Variants in RADX observed in about 807,000 individuals in gnomAD.
RADX encodes the protein RPA1 related single stranded DNA binding protein, X-linked, also known as RPA-related protein RADX.
Under a neutral mutation model 61.6 loss-of-function variants are expected in RADX, and 36 were observed. That is an observed-to-expected ratio of 0.58 (90% confidence interval 0.45 to 0.77). The LOEUF (loss-of-function observed/expected upper bound fraction) is 0.77. Ranked by LOEUF, RADX falls within the 30% of genes least tolerant of loss-of-function variation. The pLI is 0.00. For synonymous variants in RADX, 272 were observed against 237.9 expected, an observed-to-expected ratio of 1.14 and a Z score of -1.32; for missense variants, 497 against 651.1, an observed-to-expected ratio of 0.76 and a Z score of 2.58.
chrX:106,643,980 A>G (rs1416836611), intron 10 of RADX, among the ~76,000 whole-genome samples: 3 of 111,695 alleles, frequency 2.7e-5, no homozygotes, highest in Non-Finnish European at 5.7e-5. Context: ...CTTTCATTAT[A>G]GACATCTTTC....
At chrX:106,643,192 A>G (rs762234064) in intron 10 of RADX, among the ~76,000 whole-genome samples, 2 of 111,072 alleles carry the variant, frequency 1.8e-5, no homozygotes, top group African/African-American at 3.3e-5. Flanking sequence ...ATTTATTCCT[A>G]TAAGTTGTTT....
Position 106,662,045 on chromosome X carries a change from G to A in RADX, c.2009G>A (p.Gly670Glu), listed in dbSNP as rs1262535557. The change falls in exon 12 of 14, where the codon GGG becomes GAG. Residue 670 changes from glycine to glutamate, a missense_variant. Gly to Glu is a moderately conservative substitution (Grantham distance 98, BLOSUM62 -2). Transcript: ENST00000372548. Reference sequence around the variant, plus strand: ...GCAAATATAAATGCTAATCTGCAAGGGAAAGCCAGAAAAACTATAAGTGAT... The same window carrying A: ...GCAAATATAAATGCTAATCTGCAAGAGAAAGCCAGAAAAACTATAAGTGAT... ...RRANINANLQGKARKTISDRW... is the reference protein window; with the variant it reads ...RRANINANLQEKARKTISDRW... The A allele has an allele frequency of 1.1e-5, 13 of 1,208,211 alleles. No individual in the cohort carries two copies. The highest frequency in any genetic ancestry group is 1.5e-5 in the Non-Finnish European group (13 of 894,505).
chrX:106,643,361 T>G (rs1927571591), intron 10 of RADX, among the ~76,000 whole-genome samples: 1 of 111,049 alleles, frequency 9.0e-6, no homozygotes, highest in Non-Finnish European at 1.9e-5. Context: ...ATTTTTGCTT[T>G]GGTTGCCTGT....
rs946545209 is a variant in RADX, at chrX:106,631,290, G to A, written c.980-1335G>A. ...ATAGAACAATGGGCAAAAGACCAAG[G>A]CATTTCACAGAAGAGAATGCATATA... is the stretch of plus-strand genomic sequence containing the variant. On this transcript the variant is annotated intron_variant, in intron 3 of 13. Transcript: ENST00000372548. 1.9e-4 allele frequency among the ~76,000 whole-genome samples: 21 copies of A among 111,892 alleles called. 1 individual carries two copies. Among genetic ancestry groups the A allele is most frequent in the Non-Finnish European group, 3.8e-5 (2 of 53,193 alleles).
At chrX:106,644,476 A>T (rs750652574) in intron 10 of RADX, among the ~76,000 whole-genome samples, 5 of 111,241 alleles carry the variant, frequency 4.5e-5, no homozygotes, top group African/African-American at 1.6e-4. Context: ...GGTTTTTATC[A>T]TGAAGGGATA....
intron 3 of RADX, among the ~76,000 whole-genome samples, chrX:106,630,926 A>G (rs1461884470): frequency 8.9e-6 from 1 of 112,419 alleles, no homozygotes; most frequent in East Asian, 2.8e-4. Context: ...TTTAAAAATA[A>G]AAATTAAAAG....
intron 3 of RADX, among the ~76,000 whole-genome samples, chrX:106,631,556 A>G (rs1927217743): frequency 9.2e-6 from 1 of 108,542 alleles, no homozygotes; most frequent in African/African-American, 3.4e-5. Flanking sequence ...AAAAATTACA[A>G]AAATTAGCTG....
Position 106,632,662 on chromosome X carries a change from A to G in RADX, c.1017A>G (p.Ile339Met). The change falls in exon 4 of 14, where the codon ATA (isoleucine) becomes ATG (methionine). Residue 339 changes from isoleucine (I) to methionine (M), a missense_variant. By Grantham distance (10) the Ile-to-Met change is conservative (BLOSUM62 1). Transcript: ENST00000372548. ...CLNLRDPPTNIIIIPEKQVKP... is the reference protein window; with the variant it reads ...CLNLRDPPTNMIIIPEKQVKP... ...ATCTTCGAGATCCCCCAACAAATATAATTATCATTCCAGAAAAGCAGGTGA... is the reference window on the plus strand; with the variant it reads ...ATCTTCGAGATCCCCCAACAAATATGATTATCATTCCAGAAAAGCAGGTGA... 1 of 1,203,385 alleles carries G rather than the reference A, an allele frequency of 8.3e-7. No individual in the cohort carries two copies.
intron 11 of RADX, among the ~76,000 whole-genome samples, chrX:106,655,858 G>T (rs1223790092): frequency 9.0e-6 from 1 of 111,729 alleles, no homozygotes; most frequent in East Asian, 2.8e-4. Context: ...TATATACCTA[G>T]AAATGGGATG....
In RADX at chrX:106,639,522, T is replaced by G. The variant is rs1323260704; in HGVS notation, c.1574-5T>G. 2 of 1,165,954 alleles carry G rather than the reference T, an allele frequency of 1.7e-6. No homozygotes were observed. The highest frequency in any genetic ancestry group is 2.3e-6 in the Non-Finnish European group (2 of 873,427). On this transcript the variant is annotated splice_polypyrimidine_tract_variant and splice_region_variant and intron_variant, in intron 8 of 13. Transcript: ENST00000372548. ...AACTTACAATTTTCTTGGACTTTTT[T>G]GCAGTTGAGTCGCTCTTGACAGCTA...
chrX:106,650,656 A>G (rs1927770999), intron 11 of RADX, among the ~76,000 whole-genome samples: 1 of 111,316 alleles, frequency 9.0e-6, no homozygotes. Context: ...GCCTCACGTG[A>G]TCCTCCAGCC....
At chrX:106,670,871 A>G (rs1280552561) in intron 13 of RADX, among the ~76,000 whole-genome samples, 4 of 111,286 alleles carry the variant, frequency 3.6e-5, no homozygotes, top group Non-Finnish European at 7.6e-5. Flanking sequence ...ATGATTCTCA[A>G]CTGAAAGATA....
Position 106,622,810 on chromosome X carries a change from A to G in RADX, c.786+17A>G, listed in dbSNP as rs755142555. The G allele has an allele frequency of 6.8e-5, 69 of 1,018,405 alleles. No individual in the cohort carries two copies. Among genetic ancestry groups the G allele is most frequent in the Non-Finnish European group, 8.9e-5 (67 of 751,201 alleles). The allele number at this position is 1,018,405 out of a possible 1,213,427, so 83.9% of individuals were successfully genotyped here. A position where few individuals can be genotyped will look rare whatever the true frequency, so the allele number is the denominator to read the frequency against. On this transcript the variant is annotated intron_variant, in intron 2 of 13. Transcript: ENST00000372548. ...CCATATCAGGTACAAGTAATAAGATATCATATGTTAATTTAAAAGTTATAA... is the reference window on the plus strand; with the variant it reads ...CCATATCAGGTACAAGTAATAAGATGTCATATGTTAATTTAAAAGTTATAA...
rs1368891867 is a variant in RADX, at chrX:106,640,701, T to A, written c.1884T>A (p.Leu628=). ...GTCTGAGCAATAAAATAAGAATTCT[T>A]CAAGGCCCACACGCTAATCCGTAAG... ...NLSLSNKIRI[L]QGPHANPVAV... is the part of the protein sequence containing the mutation. The change falls in exon 10 of 14, where the codon CTT becomes CTA. Residue 628 remains leucine (L), a synonymous_variant. Coordinates refer to ENST00000372548, the MANE Select transcript of RADX (RefSeq NM_018015.6). 1 of 1,192,041 alleles carries A rather than the reference T, an allele frequency of 8.4e-7. No homozygotes were observed. Among genetic ancestry groups the A allele is most frequent in the Non-Finnish European group, 1.1e-6 (1 of 883,689 alleles).
chrX:106,640,184 GAATA>G (rs1381485734), intron 9 of RADX, among the ~76,000 whole-genome samples: 1 of 110,479 alleles, frequency 9.1e-6, no homozygotes, highest in Non-Finnish European at 1.9e-5. Flanking sequence ...AACTCTTCTA[GAATA>G]AATAGTTTAG....
chrX:106,668,476 T>A (rs1211510875), intron 12 of RADX, among the ~76,000 whole-genome samples: 2 of 112,143 alleles, frequency 1.8e-5, no homozygotes, highest in Non-Finnish European at 3.8e-5. Context: ...CTGCCATGCC[T>A]AAAATGCCCT....
At chrX:106,676,364 C>T (rs1473603472) in intron 13 of RADX, among the ~76,000 whole-genome samples, 2 of 112,048 alleles carry the variant, frequency 1.8e-5, no homozygotes, top group East Asian at 2.8e-4. Flanking sequence ...GGCATTCTTA[C>T]GTATTTTGTA....
chrX:106,650,673 T>C (rs1471173016), intron 11 of RADX, among the ~76,000 whole-genome samples: 1 of 111,441 alleles, frequency 9.0e-6, no homozygotes, highest in African/African-American at 3.3e-5. Flanking sequence ...AGCCTCAGCC[T>C]TCCAAAGTGC....
intron 11 of RADX, among the ~76,000 whole-genome samples, chrX:106,656,947 T>C (rs762082089): frequency 8.9e-6 from 1 of 111,877 alleles, no homozygotes; most frequent in Non-Finnish European, 1.9e-5. Flanking sequence ...CATTAGCCCC[T>C]AAGAAGAGAG....
Sources: allele counts gnomAD v4.1 joint callset (sites outside exome capture counted in the v4.1 genomes callset), GRCh38; gene constraint gnomAD v4.1.1; transcripts MANE v1.5; gene names NCBI Gene and HGNC (gene_info 2026-07-23, HGNC 2026-07-21).